KAZN: variants seen among roughly 807,000 people sequenced by gnomAD.
KAZN encodes kazrin, periplakin interacting protein.
KAZN carries 40 observed loss-of-function variants against 87.4 expected under a neutral mutation model. That is an observed-to-expected ratio of 0.46 (90% CI 0.36 to 0.60). The LOEUF (loss-of-function observed/expected upper bound fraction) is 0.60, where lower values mean the gene tolerates loss of function less well. Among genes scored for constraint, KAZN ranks in the 20% least tolerant of loss-of-function variants. The probability of loss-of-function intolerance (pLI) is 0.00; values close to 1 mark genes in which losing one functional copy is unlikely to be tolerated. For missense variants in KAZN, 898 were observed against 1,073.9 expected, an observed-to-expected ratio of 0.84 and a Z score of 2.29; for synonymous variants, 466 against 458.3, an observed-to-expected ratio of 1.02 and a Z score of -0.22.
At chr1:14,939,576 G>A (rs1196886488) in intron 1 of KAZN, among the ~76,000 whole-genome samples, 1 of 152,208 alleles carries the variant, frequency 6.6e-6, no homozygotes, top group Non-Finnish European at 1.5e-5. Flanking sequence ...CCTGGCCAGT[G>A]ATGTTTATTA....
chr1:14,288,253 G>A (rs1353013406), intron 2 of KAZN, among the ~76,000 whole-genome samples: 2 of 152,164 alleles, frequency 1.3e-5, no homozygotes, highest in Non-Finnish European at 2.9e-5. Flanking sequence ...CAGAAGGAAC[G>A]GTACCAGCTC....
chr1:15,037,342 C>T (rs1557740266), intron 3 of KAZN, among the ~76,000 whole-genome samples: 1 of 152,182 alleles, frequency 6.6e-6, no homozygotes, highest in African/African-American at 2.4e-5. Flanking sequence ...GTCCCCTGAG[C>T]CACCAGCTTC....
intron 1 of KAZN, among the ~76,000 whole-genome samples, chr1:14,721,489 C>G (rs1167105131): frequency 6.6e-6 from 1 of 152,204 alleles, no homozygotes; most frequent in Non-Finnish European, 1.5e-5. Context: ...AGCATGAGAA[C>G]AGACGAATAG....
intron 1 of KAZN, among the ~76,000 whole-genome samples, chr1:13,959,724 A>G (rs1192919101): frequency 1.3e-5 from 2 of 152,156 alleles, no homozygotes; most frequent in Non-Finnish European, 2.9e-5. Context: ...TGAGATGTCC[A>G]CATCATACCC....
chr1:14,664,472 TGA>T (rs1639391495), intron 1 of KAZN, among the ~76,000 whole-genome samples: 1 of 152,132 alleles, frequency 6.6e-6, no homozygotes, highest in Admixed American at 6.5e-5. Context: ...GCAACCATGT[TGA>T]TATTGGTTTG....
At chr1:14,250,095 T>G (rs1649878216) in intron 2 of KAZN, among the ~76,000 whole-genome samples, 1 of 152,190 alleles carries the variant, frequency 6.6e-6, no homozygotes, top group Admixed American at 6.5e-5. Flanking sequence ...CCTTCCATTA[T>G]TCTCTTTTGC....
At chr1:13,914,277 A>G (rs1389635324) in intron 1 of KAZN, among the ~76,000 whole-genome samples, 2 of 152,240 alleles carry the variant, frequency 1.3e-5, no homozygotes, top group African/African-American at 4.8e-5. Context: ...ACTCTGAACT[A>G]GGGATGCTAT....
intron 2 of KAZN, among the ~76,000 whole-genome samples, chr1:14,538,484 C>T (rs1468491879): frequency 6.6e-6 from 1 of 152,104 alleles, no homozygotes; most frequent in Non-Finnish European, 1.5e-5. Context: ...GGTTTGGTGG[C>T]CTAGCCAGAG....
chr1:14,418,860 C>T (rs1665073493), intron 2 of KAZN, among the ~76,000 whole-genome samples: 1 of 152,176 alleles, frequency 6.6e-6, no homozygotes, highest in South Asian at 2.1e-4. Context: ...CACCAGTACA[C>T]TTGTGTGTGT....
chr1:14,180,663 C>T, intron 2 of KAZN: 2 of 1,301,120 alleles, frequency 1.5e-6, no homozygotes, highest in South Asian at 1.5e-5. Flanking sequence ...ATAAGCTGTC[C>T]AAAAATGTTC....
chr1:15,019,273 C>T (rs1321578285), intron 2 of KAZN, among the ~76,000 whole-genome samples: 3 of 152,210 alleles, frequency 2.0e-5, no homozygotes, highest in Non-Finnish European at 4.4e-5. Context: ...GGACTGCCTA[C>T]CTGGATATGA....
At chr1:14,061,271 G>A (rs1377619574) in intron 1 of KAZN, among the ~76,000 whole-genome samples, 1 of 152,292 alleles carries the variant, frequency 6.6e-6, no homozygotes, top group Middle Eastern at 3.4e-3. Flanking sequence ...ACAGGGAGGA[G>A]TAATGGGGAG....
At chr1:14,388,135 C>A (rs1054756785) in intron 2 of KAZN, among the ~76,000 whole-genome samples, 1 of 152,202 alleles carries the variant, frequency 6.6e-6, no homozygotes, top group East Asian at 1.9e-4. Flanking sequence ...TGATCCCTTG[C>A]GCTTCCCGAG....
In KAZN at chr1:14,139,927, ATGTGTGTGTGTGTGTGTG is replaced by A. The variant is rs541192220; in HGVS notation, c.92-40483_92-40466del. On this transcript the variant is annotated intron_variant, in intron 1 of 16. Coordinates refer to the KAZN transcript ENST00000636203. ...AGGAGGGAAAGGGGATTTGAGGTAA[ATGTGTGTGTGTGTGTGTG>A]TGTGTGTGTGTGTGTGTGTGTGTGG... Among the ~76,000 whole-genome samples, 429 of 136,696 alleles carry A rather than the reference ATGTGTGTGTGTGTGTGTG, an allele frequency of 3.1e-3. 1 individual carries two copies. Among genetic ancestry groups the A allele is most frequent in the East Asian group, 0.015 (73 of 5,012 alleles). The allele number at this position is 136,696 out of a possible 152,430, so 89.7% of individuals were successfully genotyped here.
intron 1 of KAZN, among the ~76,000 whole-genome samples, chr1:14,831,585 A>G (rs1647050512): frequency 6.6e-6 from 1 of 152,202 alleles, no homozygotes; most frequent in East Asian, 1.9e-4. Flanking sequence ...GCATTGATTT[A>G]TTCCATCTAA....
At chr1:14,689,961 G>A (rs576136783) in intron 1 of KAZN, among the ~76,000 whole-genome samples, 1 of 152,298 alleles carries the variant, frequency 6.6e-6, no homozygotes, top group East Asian at 1.9e-4. Flanking sequence ...AGTGCCTGCA[G>A]GGTTTCCATC....
intron 1 of KAZN, among the ~76,000 whole-genome samples, chr1:14,708,176 C>A (rs1167616682): frequency 6.6e-6 from 1 of 152,172 alleles, no homozygotes; most frequent in East Asian, 1.9e-4. Context: ...CCTTTTTTAC[C>A]CTGATGGACC....
intron 2 of KAZN, among the ~76,000 whole-genome samples, chr1:14,331,571 T>A (rs891195109): frequency 6.6e-6 from 1 of 152,194 alleles, no homozygotes; most frequent in Admixed American, 6.5e-5. Flanking sequence ...GGTGTCAAAA[T>A]TGGGTTAATT....
Position 14,923,363 on chromosome 1 carries a change from G to A in KAZN, c.227-37321G>A, listed in dbSNP as rs1001912435. On this transcript the variant is annotated intron_variant, in intron 1 of 14. Coordinates refer to ENST00000376030, the MANE Select transcript of KAZN (RefSeq NM_201628.3). This position sits in a 1 kb window ranked among gnomAD's most constrained non-coding sequence, Gnocchi z 4.2. ...TACTTCACAGGAGCACTGCCAGCCT[G>A]AACACCCACTCCAGCGGGTGGGTTC... 2.0e-5 allele frequency among the ~76,000 whole-genome samples: 3 copies of A among 152,228 alleles called. No homozygotes were observed. Among genetic ancestry groups the A allele is most frequent in the African/African-American group, 7.2e-5 (3 of 41,458 alleles).
Sources: allele counts gnomAD v4.1 joint callset (sites outside exome capture counted in the v4.1 genomes callset), GRCh38; gene constraint gnomAD v4.1.1; non-coding constraint Gnocchi (gnomAD v3.1); transcripts MANE v1.5; gene names NCBI Gene and HGNC (gene_info 2026-07-23, HGNC 2026-07-21).